Variants in RGS22 observed in about 807,000 individuals in gnomAD.
RGS22 encodes regulator of G protein signaling 22, also known as regulator of G-protein signaling 22.
RGS22 carries 148 observed loss-of-function variants against 172.9 expected under a neutral mutation model. That is an observed-to-expected ratio of 0.86 (90% CI 0.75 to 0.98). RGS22 has a LOEUF of 0.98. Among genes scored for constraint, RGS22 ranks in the 50% least tolerant of loss-of-function variants. The pLI is 0.00. For missense variants in RGS22, 1,347 were observed against 1,440.8 expected (o/e 0.93, Z 1.05); for synonymous variants, 458 against 480.2 (o/e 0.95, Z 0.60).
chr8:100,031,821 G>A (rs376735320), intron 14 of RGS22, among the ~76,000 whole-genome samples: 21 of 152,040 alleles, frequency 1.4e-4, no homozygotes, highest in Middle Eastern at 3.4e-3. Flanking sequence ...TAGAACTCTC[G>A]GCAGAAACGC....
At chr8:100,070,038 A>C (rs1329887382) in intron 6 of RGS22, among the ~76,000 whole-genome samples, 5 of 150,000 alleles carry the variant, frequency 3.3e-5, no homozygotes, top group African/African-American at 9.7e-5. Flanking sequence ...AAAAAAAAAA[A>C]AAAAAAAAAA....
intron 14 of RGS22, among the ~76,000 whole-genome samples, chr8:100,032,629 ATAT>A (rs1331846189): frequency 2.6e-5 from 4 of 152,198 alleles, no homozygotes; most frequent in Non-Finnish European, 5.9e-5. Flanking sequence ...GTTAACAAAG[ATAT>A]TCAGGGCTTG....
In RGS22 at chr8:99,999,357, C is replaced by T; in HGVS notation, c.2854G>A (p.Val952Ile). 2 of 1,613,952 alleles carry T rather than the reference C, an allele frequency of 1.2e-6. No homozygotes were observed. Among genetic ancestry groups the T allele is most frequent in the Non-Finnish European group, 1.7e-6 (2 of 1,179,942 alleles). The change falls in exon 19 of 28, where the codon GTT becomes ATT. Residue 952 changes from valine to isoleucine, a missense_variant. Transcript: ENST00000360863. The part of the protein sequence containing the change: ...LHEQLDAPVL[V>I]EIQKHVQNRL... ...TTTTGCACATGCTTCTGGATTTCAA[C>T]TAGAACAGGTGCATCAAGCTGCTCA... is the stretch of plus-strand genomic sequence containing the variant.
chr8:100,100,300 T>C (rs1813368058), intron 2 of RGS22, among the ~76,000 whole-genome samples: 2 of 151,604 alleles, frequency 1.3e-5, no homozygotes, highest in African/African-American at 4.9e-5. Context: ...GATTTTTTTT[T>C]TTTTTTTGAG....
intron 2 of RGS22, among the ~76,000 whole-genome samples, chr8:100,099,981 A>G (rs951129503): frequency 3.3e-5 from 5 of 152,290 alleles, no homozygotes; most frequent in South Asian, 4.1e-4. Flanking sequence ...ATTTTGTTTG[A>G]AAAAAACCAC....
At chr8:100,077,529 T>C (rs1049033865) in intron 4 of RGS22, among the ~76,000 whole-genome samples, 3 of 152,208 alleles carry the variant, frequency 2.0e-5, no homozygotes, top group Non-Finnish European at 4.4e-5. Flanking sequence ...TAATTAAGTA[T>C]TTAAGGATTT....
At chr8:100,093,013 T>A (rs1812698957) in intron 3 of RGS22, 1 of 153,004 alleles carries the variant, frequency 6.5e-6, no homozygotes, top group Admixed American at 6.5e-5. Flanking sequence ...CTGTCAAAAG[T>A]CTAACTGTTA....
At chr8:99,999,017 G>A (rs1814692063) in intron 19 of RGS22, among the ~76,000 whole-genome samples, 1 of 151,958 alleles carries the variant, frequency 6.6e-6, no homozygotes, top group Non-Finnish European at 1.5e-5. Flanking sequence ...CAATTAGCTG[G>A]GCATGGTAGT....
Position 99,960,964 on chromosome 8 carries a change from T to G in RGS22, c.*278A>C. 9.1e-6 allele frequency: 2 copies of G among 219,450 alleles called. No individual in the cohort carries two copies. The highest frequency in any genetic ancestry group is 1.8e-5 in the Non-Finnish European group (2 of 108,476). 13.6% of individuals were successfully genotyped at this position (219,450 alleles called of 1,614,324 possible). A position where few individuals can be genotyped will look rare whatever the true frequency, so the allele number is the denominator to read the frequency against. On this transcript the variant is annotated 3_prime_UTR_variant, in exon 28 of 28. Transcript: ENST00000360863. ...TGGTTCTTCAAACCTAGATAGTAGTTGTTTTATTCTAAATAAGTTAAACAG... is the reference window on the plus strand; with the variant it reads ...TGGTTCTTCAAACCTAGATAGTAGTGGTTTTATTCTAAATAAGTTAAACAG...
chr8:99,990,372 C>T (rs373419242), intron 20 of RGS22, among the ~76,000 whole-genome samples: 1 of 151,990 alleles, frequency 6.6e-6, no homozygotes, highest in East Asian at 1.9e-4. Flanking sequence ...CCCTGTTTCC[C>T]ATTTCTTCCC....
rs372945383 is a variant in RGS22 at position 100,052,550 on chromosome 8, C to A, written c.1689+252G>T. Among the ~76,000 whole-genome samples, 385 of 152,132 alleles carry A rather than the reference C, an allele frequency of 2.5e-3. 3 individuals are homozygous for A. The highest frequency in any genetic ancestry group is 8.7e-3 in the African/African-American group (362 of 41,516). ...TCTCCTGACCTCGTGATCCGCCTGC[C>A]TCGGCCTCCCAAATGCTGGGATTAC... On this transcript the variant is annotated intron_variant, in intron 10 of 27. Coordinates refer to ENST00000360863, the MANE Select transcript of RGS22 (RefSeq NM_015668.5).
chr8:100,000,221 C>A (rs1814888701), intron 18 of RGS22, among the ~76,000 whole-genome samples: 1 of 152,116 alleles, frequency 6.6e-6, no homozygotes, highest in Non-Finnish European at 1.5e-5. Context: ...CTCAGTGGAA[C>A]AACTGCCCTC....
chr8:99,972,983 C>CAAA (rs34427659), intron 23 of RGS22, among the ~76,000 whole-genome samples: 4 of 69,790 alleles, frequency 5.7e-5, no homozygotes, highest in African/African-American at 1.8e-4. Context: ...GACTCCATCT[C>CAAA]AAAAAAAAAA....
intron 16 of RGS22, among the ~76,000 whole-genome samples, chr8:100,005,276 T>C (rs551593825): frequency 6.6e-6 from 1 of 152,258 alleles, no homozygotes; most frequent in African/African-American, 2.4e-5. Flanking sequence ...ATCTTTAATA[T>C]TTTGGTGAGT....
At chr8:100,084,274 C>T (rs1021167815) in intron 3 of RGS22, among the ~76,000 whole-genome samples, 2 of 152,152 alleles carry the variant, frequency 1.3e-5, no homozygotes, top group Non-Finnish European at 2.9e-5. Flanking sequence ...TTCATGTGTG[C>T]TTTAGGTTGT....
intron 18 of RGS22, among the ~76,000 whole-genome samples, chr8:100,001,202 TTATATATATATATATATACA>T (rs1554611095): frequency 2.4e-5 from 3 of 124,780 alleles, no homozygotes; most frequent in Non-Finnish European, 4.9e-5. Context: ...TCCCAATTTT[TTATATATATATATATATACA>T]TATATATATA....
rs574959084 is a variant in RGS22, at chr8:100,056,444, G to C, written c.1515-3468C>G. Among the ~76,000 whole-genome samples, 3 of 152,326 alleles carry C rather than the reference G, an allele frequency of 2.0e-5. No individual in the cohort carries two copies. In the East Asian group the frequency reaches 5.8e-4, roughly 29 times the overall value. On this transcript the variant is annotated intron_variant, in intron 9 of 27. Coordinates refer to ENST00000360863, the MANE Select transcript of RGS22 (RefSeq NM_015668.5). ...AATGGAGAAAATGTCTCCAGGGCAT[G>C]TCAGAGACCTTCACGGCAGCCCCTC... is the stretch of plus-strand genomic sequence containing the variant.
chr8:100,086,224 T>G (rs1398960170), intron 3 of RGS22, among the ~76,000 whole-genome samples: 2 of 152,168 alleles, frequency 1.3e-5, no homozygotes, highest in Non-Finnish European at 2.9e-5. Context: ...AGGTTACATT[T>G]GGTGAACTGC....
At chr8:100,048,164 T>TA (rs1422302598) in intron 10 of RGS22, among the ~76,000 whole-genome samples, 2 of 151,956 alleles carry the variant, frequency 1.3e-5, no homozygotes, top group Admixed American at 6.6e-5. Flanking sequence ...ATGCATGGAT[T>TA]AAAAAAAGTA....
Sources: allele counts gnomAD v4.1 joint callset (sites outside exome capture counted in the v4.1 genomes callset), GRCh38; gene constraint gnomAD v4.1.1; transcripts MANE v1.5; gene names NCBI Gene and HGNC (gene_info 2026-07-23, HGNC 2026-07-21).